The following CCDC171 variants were observed in gnomAD, a reference collection of about 807,000 sequenced individuals.
CCDC171 encodes coiled-coil domain-containing protein 171.
Under a neutral mutation model 168.2 loss-of-function variants are expected in CCDC171, and 177 were observed. The observed-to-expected ratio is 1.05, with a 90% CI of 0.93 to 1.19. CCDC171 has a LOEUF of 1.19. Among genes scored for constraint, CCDC171 ranks in the 50% most tolerant of loss-of-function variants. CCDC171 has a pLI of 0.00. For synonymous variants in CCDC171, 687 were observed against 540.8 expected (o/e 1.27, Z -3.75); for missense variants, 1,991 against 1,539.0 (o/e 1.29, Z -4.91).
intron 25 of CCDC171, among the ~76,000 whole-genome samples, chr9:15,961,452 C>T (rs1830322950): frequency 6.6e-6 from 1 of 152,060 alleles, no homozygotes; most frequent in Admixed American, 6.6e-5. Context: ...TTATAAGTAG[C>T]CACTCTGCAT....
intron 11 of CCDC171, among the ~76,000 whole-genome samples, chr9:15,709,707 A>G (rs916715386): frequency 6.6e-6 from 1 of 152,200 alleles, no homozygotes; most frequent in Middle Eastern, 3.2e-3. Flanking sequence ...TGTTACCTAT[A>G]AGAGCAGAAA....
At chr9:15,808,196 A>G (rs2059163675) in intron 21 of CCDC171, among the ~76,000 whole-genome samples, 1 of 152,132 alleles carries the variant, frequency 6.6e-6, no homozygotes, top group Non-Finnish European at 1.5e-5. Flanking sequence ...TGGAGAGTAG[A>G]GAAGATTTGA....
At chr9:16,052,756 G>A (rs1027938166) in intron 1 of CCDC171, among the ~76,000 whole-genome samples, 3 of 151,748 alleles carry the variant, frequency 2.0e-5, no homozygotes, top group African/African-American at 7.3e-5. Flanking sequence ...CTTCCCCTCT[G>A]TTCACTCCAC....
chr9:15,825,993 G>T (rs1268424301), intron 21 of CCDC171, among the ~76,000 whole-genome samples: 4 of 151,964 alleles, frequency 2.6e-5, no homozygotes, highest in African/African-American at 9.7e-5. Flanking sequence ...TGGAACATCT[G>T]TTAGTCTGTC....
At chr9:16,083,882 A>G in the CCDC171 span, among the ~76,000 whole-genome samples, 2 of 152,186 alleles carry the variant, frequency 1.3e-5, no homozygotes, top group Non-Finnish European at 2.9e-5. Context: ...TTGAGTGTCT[A>G]TTACAGGCTG....
intron 18 of CCDC171, among the ~76,000 whole-genome samples, chr9:15,757,844 C>T (rs1422741211): frequency 6.6e-6 from 1 of 152,184 alleles, no homozygotes; most frequent in Admixed American, 6.5e-5. Flanking sequence ...GTGCAAGCCC[C>T]AAGCCTTGGC....
intron 20 of CCDC171, among the ~76,000 whole-genome samples, chr9:15,781,682 G>A (rs2057675609): frequency 6.6e-6 from 1 of 152,024 alleles, no homozygotes; most frequent in Admixed American, 6.6e-5. Flanking sequence ...CAAAATGCTG[G>A]GATTACAGAT....
intron 6 of CCDC171, among the ~76,000 whole-genome samples, chr9:16,031,665 C>T (rs1226344682): frequency 6.6e-6 from 1 of 152,182 alleles, no homozygotes; most frequent in African/African-American, 2.4e-5. Flanking sequence ...CCCCTGAGGA[C>T]AGCCCAGAGA....
chr9:15,782,307 A>G (rs1466712460), intron 20 of CCDC171, among the ~76,000 whole-genome samples: 1 of 152,206 alleles, frequency 6.6e-6, no homozygotes, highest in Admixed American at 6.5e-5. Flanking sequence ...TAACTTCCCC[A>G]GTCTCATGAT....
At chr9:15,673,335 C>T (rs536109798) in intron 9 of CCDC171, among the ~76,000 whole-genome samples, 23 of 152,274 alleles carry the variant, frequency 1.5e-4, no homozygotes, top group East Asian at 1.2e-3. Flanking sequence ...TAATTGAATA[C>T]GCTTTATTTC....
intron 25 of CCDC171, among the ~76,000 whole-genome samples, chr9:15,948,798 T>A (rs1397907125): frequency 5.3e-5 from 8 of 151,686 alleles, no homozygotes; most frequent in Non-Finnish European, 1.2e-4. Context: ...TGGTAGTTTC[T>A]TTTGCTGTGC....
At chr9:15,615,908 A>G (rs1406484346) in intron 6 of CCDC171, among the ~76,000 whole-genome samples, 1 of 151,710 alleles carries the variant, frequency 6.6e-6, no homozygotes, top group Non-Finnish European at 1.5e-5. Flanking sequence ...CCCTCCAAGT[A>G]CTGGGACCAC....
chr9:15,896,494 A>G (rs539816973), intron 24 of CCDC171, among the ~76,000 whole-genome samples: 4 of 152,202 alleles, frequency 2.6e-5, no homozygotes, highest in South Asian at 4.1e-4. Context: ...AAAAAGGAAA[A>G]TGAACTTAGA....
At chr9:15,792,135 G>C (rs140241643) in intron 21 of CCDC171, among the ~76,000 whole-genome samples, 65 of 152,352 alleles carry the variant, frequency 4.3e-4, no homozygotes, top group Middle Eastern at 3.4e-3. Flanking sequence ...TAAATGACCT[G>C]ATGGAGCTGA....
At chr9:15,705,854 A>G (rs766051028) in intron 11 of CCDC171, among the ~76,000 whole-genome samples, 4 of 152,366 alleles carry the variant, frequency 2.6e-5, no homozygotes, top group Non-Finnish European at 5.9e-5. Context: ...GTATTTGTCG[A>G]ATATGAATAA....
intron 23 of CCDC171, among the ~76,000 whole-genome samples, chr9:15,850,473 T>A (rs2061079182): frequency 6.6e-6 from 1 of 152,040 alleles, no homozygotes; most frequent in African/African-American, 2.4e-5. Context: ...TCTGTAAATC[T>A]GGTCTATAGC....
intron 21 of CCDC171, among the ~76,000 whole-genome samples, chr9:15,800,973 C>G (rs571388062): frequency 1.4e-4 from 22 of 152,098 alleles, no homozygotes; most frequent in African/African-American, 5.1e-4. Context: ...TGGTCTGTGT[C>G]TGTTTTTATG....
Position 16,047,376 on chromosome 9 carries a change from C to G in CCDC171, n.89+4490C>G, listed in dbSNP as rs552516120. Among the ~76,000 whole-genome samples the G allele has an allele frequency of 3.9e-5, 6 of 152,228 alleles. No individual in the cohort carries two copies. The East Asian group carries it at 1.2e-3, about 29-fold the overall frequency. On this transcript the variant is annotated intron_variant and non_coding_transcript_variant, in intron 1 of 1. Coordinates refer to the CCDC171 transcript ENST00000478913. ...ACCACCTGCCTTTCACCCACCCCTG[C>G]CTAATAAGCCTCGTTCTACCTCCAG...
intron 3 of CCDC171, among the ~76,000 whole-genome samples, chr9:16,018,815 G>A (rs1003122509): frequency 7.9e-5 from 12 of 152,172 alleles, no homozygotes; most frequent in African/African-American, 1.7e-4. Flanking sequence ...ATGGGGAACC[G>A]GGCCCTTAAA....
Sources: gnomAD v4.1 joint callset for allele counts (sites outside exome capture counted in the v4.1 genomes callset) on GRCh38, gnomAD v4.1.1 for gene constraint, MANE v1.5 for transcripts, NCBI Gene and HGNC (gene_info 2026-07-23, HGNC 2026-07-21) for gene names.